SPAG17: variants seen among roughly 807,000 people sequenced by gnomAD.
SPAG17 encodes sperm associated antigen 17.
Under a neutral mutation model 273.6 loss-of-function variants are expected in SPAG17, and 169 were observed. The observed-to-expected ratio is 0.62, with a 90% confidence interval of 0.55 to 0.70. The LOEUF (loss-of-function observed/expected upper bound fraction) is 0.70, where lower values mean the gene tolerates loss of function less well. Ranked by LOEUF, SPAG17 falls within the 30% of genes least tolerant of loss-of-function variation. The pLI, the probability that SPAG17 is intolerant of heterozygous loss-of-function variation, is 0.00. For synonymous variants in SPAG17, 825 were observed against 873.2 expected, an observed-to-expected ratio of 0.94 and a Z score of 0.97; for missense variants, 2,557 against 2,627.8, an observed-to-expected ratio of 0.97 and a Z score of 0.59.
intron 4 of SPAG17, among the ~76,000 whole-genome samples, chr1:118,109,554 C>G (rs984997096): frequency 3.5e-4 from 17 of 48,888 alleles, no homozygotes; most frequent in South Asian, 1.5e-3. Flanking sequence ...AACTCTGTCT[C>G]AAAATAATAA....
chr1:117,988,115 T>C lies in SPAG17; in HGVS notation c.5611A>G (p.Lys1871Glu). The part of the protein sequence containing the change: ...PDTFGKDFFE[K>E]TWRHTASSKR... The stretch of plus-strand genomic sequence containing the variant: ...ATTGGATTAGCTTACCTCCATGTCT[T>C]TTCAAAGAAATCTTTACCAAATGTG... The change falls in exon 39 of 49, where the codon AAG becomes GAG. Residue 1871 changes from lysine (K) to glutamate (E), a missense_variant. Physicochemically the swap from Lys to Glu is moderately conservative, Grantham distance 56 (BLOSUM62 1). Coordinates refer to ENST00000336338, the MANE Select transcript of SPAG17 (RefSeq NM_206996.4). 3 of 1,603,444 alleles carry C rather than the reference T, an allele frequency of 1.9e-6. No individual in the cohort carries two copies. Among genetic ancestry groups the C allele is most frequent in the Non-Finnish European group, 2.6e-6 (3 of 1,176,380 alleles).
Position 117,978,648 on chromosome 1 carries a change from A to G in SPAG17, c.6004+2622T>C, listed in dbSNP as rs74557801. Among the ~76,000 whole-genome samples the G allele has an allele frequency of 3.7e-3, 562 of 152,140 alleles. 2 individuals carry two copies. The highest frequency in any genetic ancestry group is 0.025 in the East Asian group (131 of 5,178). Reference sequence around the variant, plus strand: ...AGCTGTGTACATTTGTGCTGCCACTATTCTATCTATTACCCACTTCACTTA... The same window carrying G: ...AGCTGTGTACATTTGTGCTGCCACTGTTCTATCTATTACCCACTTCACTTA... On this transcript the variant is annotated intron_variant, in intron 43 of 48. Transcript: ENST00000336338.
intron 18 of SPAG17, among the ~76,000 whole-genome samples, chr1:118,061,576 T>C (rs1204845989): frequency 2.0e-5 from 3 of 152,190 alleles, no homozygotes; most frequent in Non-Finnish European, 2.9e-5. Flanking sequence ...ATTAATAATA[T>C]GGTATTGTGC....
At chr1:118,128,472 GT>G (rs1294296239) in intron 3 of SPAG17, among the ~76,000 whole-genome samples, 2 of 152,114 alleles carry the variant, frequency 1.3e-5, no homozygotes, top group Non-Finnish European at 2.9e-5. Context: ...TCCTTATCTT[GT>G]TCCAGTTCTT....
intron 15 of SPAG17, 21 bp downstream of exon 15, chr1:118,081,075 ACACAC>A (rs1654519329): frequency 2.0e-6 from 3 of 1,523,636 alleles, no homozygotes; most frequent in Admixed American, 1.7e-5. Context: ...ACACACACAC[ACACAC>A]ACACACACAC....
intron 28 of SPAG17, among the ~76,000 whole-genome samples, chr1:118,018,598 C>G (rs1660190438): frequency 6.7e-6 from 1 of 149,994 alleles, no homozygotes; most frequent in Non-Finnish European, 1.5e-5. Context: ...TTTGGGAGGC[C>G]AAGGTAGGAG....
chr1:118,004,883 C>T (rs541097472), intron 32 of SPAG17, among the ~76,000 whole-genome samples: 1 of 152,288 alleles, frequency 6.6e-6, no homozygotes, highest in Non-Finnish European at 1.5e-5. Context: ...CAGAAATCAC[C>T]CATCTTCTGT....
chr1:118,016,234 T>A, intron 28 of SPAG17, 52 bp from the exon 29 acceptor site: 1 of 1,378,368 alleles, frequency 7.3e-7, no homozygotes, highest in Non-Finnish European at 1.0e-6. Flanking sequence ...TAGTATCAAT[T>A]ATATACATCA....
intron 3 of SPAG17, among the ~76,000 whole-genome samples, chr1:118,133,976 A>C (rs1658200431): frequency 6.6e-6 from 1 of 152,212 alleles, no homozygotes; most frequent in Non-Finnish European, 1.5e-5. Flanking sequence ...GTTCAACCTT[A>C]TAATTTTTGC....
At chr1:118,086,474 C>A (rs1200589576) in intron 12 of SPAG17, among the ~76,000 whole-genome samples, 197 bp downstream of exon 12, 1 of 152,190 alleles carries the variant, frequency 6.6e-6, no homozygotes, top group Non-Finnish European at 1.5e-5. Flanking sequence ...AATAATCAGG[C>A]AAATTTCCTC....
chr1:118,089,873 TC>T (rs758684374), intron 10 of SPAG17, among the ~76,000 whole-genome samples: 21 of 152,140 alleles, frequency 1.4e-4, no homozygotes, highest in Non-Finnish European at 2.6e-4. Context: ...GAGGGTGGTT[TC>T]CCCCATGCTG....
chr1:118,110,969 T>A (rs2102244882), intron 4 of SPAG17, among the ~76,000 whole-genome samples: 1 of 152,298 alleles, frequency 6.6e-6, no homozygotes, highest in South Asian at 2.1e-4. Context: ...TAACTTTTCA[T>A]ACCCTCAGTT....
At chr1:118,162,838 CTT>C (rs1179095386) in intron 1 of SPAG17, among the ~76,000 whole-genome samples, 1 of 151,970 alleles carries the variant, frequency 6.6e-6, no homozygotes, top group Non-Finnish European at 1.5e-5. Context: ...TTTAATTGCT[CTT>C]GTCTTATTTA....
chr1:118,040,619 T>C (rs1391788549), intron 22 of SPAG17, 111 bp downstream of exon 22: 27 of 698,922 alleles, frequency 3.9e-5, no homozygotes, highest in Non-Finnish European at 6.3e-5. Context: ...AAATGTATTG[T>C]GGGGGACAGA....
rs200627700 is a variant in SPAG17, at chr1:118,055,792, G to T, written c.2663C>A (p.Ser888Tyr). ...IRTRAELELK[S>Y]SANAKLTSAS... The stretch of plus-strand genomic sequence containing the variant: ...AGAAGTAAGTTTGGCATTAGCAGAA[G>T]ATTTCAATTCCAGCTCAGCTCTGGT... Residue 888 changes from serine (S) to tyrosine (Y), a missense_variant, in exon 19 of 49, where the codon TCT becomes TAT. By Grantham distance (144) the Ser-to-Tyr change is moderately radical. Coordinates refer to ENST00000336338, the MANE Select transcript of SPAG17 (RefSeq NM_206996.4). 604 of 1,612,944 alleles carry T rather than the reference G, an allele frequency of 3.7e-4. 1 individual carries two copies. The highest frequency in any genetic ancestry group is 4.8e-4 in the Non-Finnish European group (563 of 1,179,624).
At chr1:118,099,018 T>C (rs970929896) in intron 6 of SPAG17, among the ~76,000 whole-genome samples, 34 of 152,154 alleles carry the variant, frequency 2.2e-4, no homozygotes, top group African/African-American at 8.2e-4. Context: ...TTTCCTAAAG[T>C]ATACAGTGGC....
At chr1:118,080,268 A>G (rs893336085) in intron 15 of SPAG17, among the ~76,000 whole-genome samples, 4 of 152,134 alleles carry the variant, frequency 2.6e-5, no homozygotes, top group African/African-American at 7.2e-5. Flanking sequence ...GACACATCCA[A>G]TAAGACTTCA....
At chr1:118,163,114 A>G (rs925911441) in intron 1 of SPAG17, among the ~76,000 whole-genome samples, 4 of 152,234 alleles carry the variant, frequency 2.6e-5, no homozygotes, top group African/African-American at 9.6e-5. Flanking sequence ...AAAAAAGAAA[A>G]TAATTTTTTG....
intron 1 of SPAG17, among the ~76,000 whole-genome samples, chr1:118,164,516 G>T (rs1405688426): frequency 6.6e-6 from 1 of 152,102 alleles, no homozygotes; most frequent in Non-Finnish European, 1.5e-5. Flanking sequence ...AGAGCTTTTT[G>T]AATCTGTCTC....
Sources: allele counts gnomAD v4.1 joint callset (sites outside exome capture counted in the v4.1 genomes callset), GRCh38; gene constraint gnomAD v4.1.1; transcripts MANE v1.5; gene names NCBI Gene and HGNC (gene_info 2026-07-23, HGNC 2026-07-21).